The following TRPM1 variants were observed in gnomAD, a reference collection of about 807,000 sequenced individuals.
TRPM1 encodes the protein TRPM1-203 APA Isoform, Intron 10.
TRPM1 carries 113 observed loss-of-function variants against 149.4 expected under a neutral mutation model. That is an observed-to-expected ratio of 0.76 (90% CI 0.65 to 0.88). TRPM1 has a LOEUF of 0.88. Among genes scored for constraint, TRPM1 ranks in the 40% least tolerant of loss-of-function variants. The probability of loss-of-function intolerance (pLI) is 0.00; values close to 1 mark genes in which losing one functional copy is unlikely to be tolerated. For missense variants in TRPM1, 1,976 were observed against 2,038.7 expected (o/e 0.97, Z 0.59); for synonymous variants, 741 against 759.5 (o/e 0.98, Z 0.40).
chr15:31,035,484 G>A (rs1195930835), intron 21 of TRPM1, 62 bp downstream of exon 21: 1 of 1,611,152 alleles, frequency 6.2e-7, no homozygotes, highest in Non-Finnish European at 8.5e-7. Context: ...TTTCAGTAAG[G>A]AGCCATATCT....
chr15:31,125,410 C>G (rs149879879), intron 1 of TRPM1, among the ~76,000 whole-genome samples: 1 of 152,236 alleles, frequency 6.6e-6, no homozygotes, highest in African/African-American at 2.4e-5. Context: ...CCTAAAACTA[C>G]TCTGAAAAAG....
intron 1 of TRPM1, among the ~76,000 whole-genome samples, chr15:31,098,192 G>T (rs1208460314): frequency 6.6e-6 from 1 of 152,016 alleles, no homozygotes; most frequent in Non-Finnish European, 1.5e-5. Context: ...TCCCAGCCCA[G>T]CATTTTGGGA....
chr15:31,051,234 G>A (rs2033941510), intron 11 of TRPM1, among the ~76,000 whole-genome samples: 1 of 152,214 alleles, frequency 6.6e-6, no homozygotes, highest in Non-Finnish European at 1.5e-5. Flanking sequence ...CTGGTCTGGT[G>A]GAGAATGTGG....
chr15:31,061,108 C>T (rs547723271), intron 10 of TRPM1, among the ~76,000 whole-genome samples: 28 of 152,302 alleles, frequency 1.8e-4, no homozygotes, highest in African/African-American at 5.3e-4. Context: ...AGAACCAAGA[C>T]GGGGAAATTG....
chr15:31,106,287 T>G (rs1330749519), upstream of TRPM1, among the ~76,000 whole-genome samples: 5 of 151,146 alleles, frequency 3.3e-5, no homozygotes, highest in African/African-American at 4.9e-5. Flanking sequence ...TACAGGTACG[T>G]GCCACCATGC....
chr15:31,145,246 A>C (rs980009708), intron 1 of TRPM1, among the ~76,000 whole-genome samples: 19 of 152,330 alleles, frequency 1.2e-4, no homozygotes, highest in African/African-American at 4.3e-4. Flanking sequence ...CCACAGTCAG[A>C]GACGTTCAAA....
upstream of TRPM1, among the ~76,000 whole-genome samples, chr15:31,105,454 TGTGTGTGTGTGTGTGTGTGC>T (rs1289323077): frequency 4.3e-3 from 213 of 49,956 alleles, no homozygotes; most frequent in East Asian, 0.028. Context: ...TGTGTGTGTG[TGTGTGTGTGTGTGTGTGTGC>T]GCGCGCGCGC....
chr15:31,017,351 A>T (rs2032403546), intron 27 of TRPM1, among the ~76,000 whole-genome samples: 1 of 152,198 alleles, frequency 6.6e-6, no homozygotes, highest in East Asian at 1.9e-4. Context: ...TACCAGATTA[A>T]CAACTGATAT....
At chr15:31,102,494 G>C (rs2035536846), upstream of TRPM1, among the ~76,000 whole-genome samples, 2 of 152,240 alleles carry the variant, frequency 1.3e-5, no homozygotes. Context: ...AGACAGATTG[G>C]ACGTAAGGGC....
chr15:31,096,286 T>C (rs2035384304), intron 1 of TRPM1, among the ~76,000 whole-genome samples: 1 of 152,156 alleles, frequency 6.6e-6, no homozygotes, highest in African/African-American at 2.4e-5. Context: ...GGATCTGCTT[T>C]ATCATTCTCT....
Position 31,067,889 on chromosome 15 carries a change from AC to A in TRPM1, c.482del (p.Gly161ValfsTer10), listed in dbSNP as rs1226505973. Reference sequence around the variant, plus strand: ...AGGGCCTGCTCTTACCTGTGCTGACACCCCCGGTGAAGATCCAGGCCCCGGT... The same window carrying A: ...AGGGCCTGCTCTTACCTGTGCTGACACCCCGGTGAAGATCCAGGCCCCGGT... ...MTTGAWIFTG[G>X]VSTGVISHVG... On this transcript the variant is annotated frameshift_variant, in exon 5 of 28. Coordinates refer to ENST00000256552, the MANE Select transcript of TRPM1 (RefSeq NM_001252024.2). LOFTEE classifies it high-confidence loss of function. 1.7e-5 allele frequency: 28 copies of A among 1,612,558 alleles called. No homozygotes were observed. The highest frequency in any genetic ancestry group is 2.1e-5 in the Non-Finnish European group (25 of 1,179,876).
At chr15:31,117,489 G>GA (rs1053817172) in intron 1 of TRPM1, among the ~76,000 whole-genome samples, 15 of 147,520 alleles carry the variant, frequency 1.0e-4, no homozygotes, top group South Asian at 2.2e-4. Context: ...TCTGTCTCAG[G>GA]AAAAAAAAAA....
chr15:31,049,286 G>T (rs1192377094), intron 13 of TRPM1, 89 bp downstream of exon 13: 2 of 1,592,966 alleles, frequency 1.3e-6, no homozygotes, highest in East Asian at 4.5e-5. Context: ...AAGGAGGTCA[G>T]ATGAGCACAT....
At chr15:31,033,974 C>T (rs904367680) in intron 21 of TRPM1, among the ~76,000 whole-genome samples, 1 of 152,114 alleles carries the variant, frequency 6.6e-6, no homozygotes, top group South Asian at 2.1e-4. Flanking sequence ...CCATCAGATT[C>T]CCTCTATCTG....
rs945581272 is a variant in TRPM1 at position 31,088,562 on chromosome 15, G to A, written c.-83-7124C>T. Among the ~76,000 whole-genome samples, 4 of 152,316 alleles carry A rather than the reference G, an allele frequency of 2.6e-5. No homozygotes were observed. In the South Asian group the frequency reaches 6.2e-4, roughly 24 times the overall value. On this transcript the variant is annotated intron_variant, in intron 1 of 27. Coordinates refer to ENST00000256552, the MANE Select transcript of TRPM1 (RefSeq NM_001252024.2). ...TGTAACACTTGCTGCAAAAGTCTGC[G>A]GCTTCACTGCTGAAGTGAGCAAGGC...
At chr15:31,050,195 C>G (rs986118762) in intron 12 of TRPM1, among the ~76,000 whole-genome samples, 1 of 152,220 alleles carries the variant, frequency 6.6e-6, no homozygotes, top group Non-Finnish European at 1.5e-5. Context: ...CATCATTCCC[C>G]CCAAAGCAGG....
intron 1 of TRPM1, among the ~76,000 whole-genome samples, chr15:31,100,163 T>G (rs1157606070): frequency 2.6e-5 from 4 of 151,064 alleles, no homozygotes; most frequent in African/African-American, 9.7e-5. Flanking sequence ...CACTGCAACC[T>G]CCACCTCCTG....
chr15:31,097,023 G>C (rs575395152), intron 1 of TRPM1, among the ~76,000 whole-genome samples: 1 of 152,234 alleles, frequency 6.6e-6, no homozygotes. Context: ...AGACTGCCGG[G>C]CCCCTTTGTT....
At position 31,026,121 on chromosome 15, in the gene TRPM1, T is replaced by A; in HGVS notation, c.3629+18A>T. 6.2e-7 allele frequency: 1 copy of A among 1,609,588 alleles called. No individual in the cohort carries two copies. The highest frequency in any genetic ancestry group is 8.5e-7 in the Non-Finnish European group (1 of 1,179,964). On this transcript the variant is annotated intron_variant, in intron 27 of 27. Coordinates refer to ENST00000256552, the MANE Select transcript of TRPM1 (RefSeq NM_001252024.2). Reference sequence around the variant, plus strand: ...AAACCCTTGGCTCACGGGCCCGCGGTGGGGACGCTACACGTACCTTTCAGA... The same window carrying A: ...AAACCCTTGGCTCACGGGCCCGCGGAGGGGACGCTACACGTACCTTTCAGA...
Sources: allele counts gnomAD v4.1 joint callset (sites outside exome capture counted in the v4.1 genomes callset), GRCh38; gene constraint gnomAD v4.1.1; transcripts MANE v1.5; gene names NCBI Gene and HGNC (gene_info 2026-07-23, HGNC 2026-07-21).